The following PRH1 variants were observed in gnomAD, a reference collection of about 807,000 sequenced individuals.
PRH1 encodes the protein salivary acidic proline-rich phosphoprotein 1/2.
A neutral mutation model predicts 7.9 loss-of-function variants in PRH1; 7 were observed. The ratio of observed to expected loss-of-function variants is 0.89; its 90% CI spans 0.50 to 1.67. The LOEUF is 1.67. Ranked by LOEUF, PRH1 falls within the 40% of genes most tolerant of loss-of-function variation. PRH1 has a pLI of 0.00. For missense variants in PRH1, 109 were observed against 223.6 expected (o/e 0.49, Z 3.27); for synonymous variants, 45 against 80.8 (o/e 0.56, Z 2.38).
rs949846650 is a variant in PRH1, at chr12:11,085,775, A to T, written n.124-38587T>A. Among the ~76,000 whole-genome samples, 13 of 117,662 alleles carry T rather than the reference A, an allele frequency of 1.1e-4. 4 individuals carry two copies. The highest frequency in any genetic ancestry group is 2.4e-4 in the Non-Finnish European group (12 of 49,440). The allele number at this position is 117,662 out of a possible 152,430, so 77.2% of individuals were successfully genotyped here. A position where few individuals can be genotyped will look rare whatever the true frequency, so the allele number is the denominator to read the frequency against. ...TACAAATCAAGTCATATTCTTATTCATCATTTTGAAATTTTTTCCTTGTTT... is the reference window on the plus strand; with the variant it reads ...TACAAATCAAGTCATATTCTTATTCTTCATTTTGAAATTTTTTCCTTGTTT... On this transcript the variant is annotated intron_variant and non_coding_transcript_variant, in intron 1 of 4. Coordinates refer to the PRH1 transcript ENST00000541977.
At chr12:11,169,542 G>A (rs1947747635) in intron 1 of PRH1, among the ~76,000 whole-genome samples, 1 of 152,166 alleles carries the variant, frequency 6.6e-6, no homozygotes, top group African/African-American at 2.4e-5. Flanking sequence ...CAGAAACGGA[G>A]CAAGTAGGGC....
intron 1 of PRH1, among the ~76,000 whole-genome samples, chr12:11,032,620 G>T (rs1942274576): frequency 1.3e-5 from 2 of 152,040 alleles, no homozygotes; most frequent in Non-Finnish European, 2.9e-5. Flanking sequence ...CCCACTCAGG[G>T]TTTTCAGCCC....
chr12:11,035,221 T>C (rs1032505970), intron 1 of PRH1, among the ~76,000 whole-genome samples: 1 of 151,334 alleles, frequency 6.6e-6, no homozygotes, highest in Non-Finnish European at 1.5e-5. Context: ...TTATCACTTT[T>C]GGAAAAATCT....
At chr12:11,162,632 C>T (rs1947449047) in intron 1 of PRH1, among the ~76,000 whole-genome samples, 1 of 152,154 alleles carries the variant, frequency 6.6e-6, no homozygotes, top group Admixed American at 6.5e-5. Context: ...TACTGTGTTG[C>T]TGACCAAAAT....
chr12:11,163,817 C>T (rs1947487997), intron 1 of PRH1, among the ~76,000 whole-genome samples: 1 of 152,020 alleles, frequency 6.6e-6, no homozygotes. Flanking sequence ...ATATACCATC[C>T]CCAAGTTTCT....
chr12:10,882,840 C>T (rs1352843210), intron 2 of PRH1, 142 bp from the exon 3 acceptor site: 7 of 1,457,218 alleles, frequency 4.8e-6, no homozygotes, highest in Middle Eastern at 1.8e-4. Context: ...CCAAGGCTTC[C>T]TAATTAGAAC....
intron 1 of PRH1, among the ~76,000 whole-genome samples, chr12:11,041,346 A>G (rs2136126085): frequency 6.6e-6 from 1 of 152,036 alleles, no homozygotes; most frequent in African/African-American, 2.4e-5. Context: ...ATATTAGACA[A>G]AATAGTTTTC....
intron 2 of PRH1, among the ~76,000 whole-genome samples, chr12:10,940,574 A>G (rs1461060384): frequency 1.3e-5 from 2 of 152,124 alleles, no homozygotes; most frequent in East Asian, 3.9e-4. Context: ...ATCAGCACCA[A>G]ATACCTTCAC....
At chr12:11,127,047 G>A (rs1828432188) in intron 1 of PRH1, among the ~76,000 whole-genome samples, 1 of 152,140 alleles carries the variant, frequency 6.6e-6, no homozygotes, top group Non-Finnish European at 1.5e-5. Flanking sequence ...ATTTCTGACT[G>A]TGCAATAACG....
intron 1 of PRH1, among the ~76,000 whole-genome samples, chr12:11,122,583 C>T (rs946494328): frequency 1.3e-5 from 2 of 152,264 alleles, no homozygotes; most frequent in African/African-American, 4.8e-5. Flanking sequence ...AATAATTAAA[C>T]CTAAAAGAAA....
chr12:10,960,436 C>T (rs1210034107), intron 2 of PRH1, among the ~76,000 whole-genome samples: 1 of 152,248 alleles, frequency 6.6e-6, no homozygotes, highest in African/African-American at 2.4e-5. Flanking sequence ...CTTGCAGATG[C>T]TCTCTAGGAT....
intron 2 of PRH1, among the ~76,000 whole-genome samples, chr12:10,944,542 TC>T (rs1450380440): frequency 6.6e-6 from 1 of 151,970 alleles, no homozygotes; most frequent in African/African-American, 2.4e-5. Flanking sequence ...TTTTTGGGCG[TC>T]CTTTATTTCT....
At chr12:10,891,325 G>A (rs1949570503) in intron 2 of PRH1, 1 of 152,178 alleles carries the variant, frequency 6.6e-6, no homozygotes, top group Non-Finnish European at 1.5e-5. Flanking sequence ...AACTTTGGGA[G>A]ATCTTTAATC....
chr12:11,064,454 A>T (rs937283926), intron 1 of PRH1, among the ~76,000 whole-genome samples: 1 of 152,180 alleles, frequency 6.6e-6, no homozygotes. Context: ...AACAGTTACG[A>T]ATAATTCTAC....
chr12:10,997,771 C>A lies in PRH1; in HGVS notation c.-125-24050G>T. ...CTGAGGAGATCTTTTGTCTCTTGAC[C>A]CAGGCAATGAAATTTATCAGTGCTA... is the stretch of plus-strand genomic sequence containing the variant. On this transcript the variant is annotated intron_variant, in intron 1 of 3. Transcript: ENST00000539853. 1 of 1,613,634 alleles carries A rather than the reference C, an allele frequency of 6.2e-7. No homozygotes were observed. The highest frequency in any genetic ancestry group is 2.2e-5 in the East Asian group (1 of 44,854).
At chr12:11,152,129 C>T (rs550646311) in intron 1 of PRH1, among the ~76,000 whole-genome samples, 41 of 151,040 alleles carry the variant, frequency 2.7e-4, no homozygotes, top group Non-Finnish European at 5.5e-4. Context: ...ATGTGCACAA[C>T]GTACAGGTTT....
At chr12:10,885,303 A>G (rs1401438005), upstream of PRH1, among the ~76,000 whole-genome samples, 5 of 152,184 alleles carry the variant, frequency 3.3e-5, no homozygotes, top group African/African-American at 1.2e-4. Context: ...TAATATTCCA[A>G]TACTCATTCT....
rs7314608 is a variant in PRH1 at position 10,973,829 on chromosome 12, T to G, written c.-125-108A>C. Reference sequence around the variant, plus strand: ...AAATCCAGCACAAGGAGAGTCTTTATAGGTGAAGAGTCAACTTATATATTT... The same window carrying G: ...AAATCCAGCACAAGGAGAGTCTTTAGAGGTGAAGAGTCAACTTATATATTT... On this transcript the variant is annotated intron_variant, in intron 1 of 3. Coordinates refer to the PRH1 transcript ENST00000539853. 0.23 allele frequency: 141,204 copies of G among 611,298 alleles called. 16,325 individuals are homozygous for G. Among genetic ancestry groups the G allele is most frequent in the Non-Finnish European group, 0.24 (80,453 of 337,694 alleles). 37.9% of individuals were successfully genotyped at this position (611,298 alleles called of 1,614,324 possible). A position where few individuals can be genotyped will look rare whatever the true frequency, so the allele number is the denominator to read the frequency against.
intron 2 of PRH1, among the ~76,000 whole-genome samples, chr12:10,945,747 T>C (rs1468792722): frequency 6.6e-6 from 1 of 152,168 alleles, no homozygotes; most frequent in African/African-American, 2.4e-5. Flanking sequence ...CTGGGAGTGC[T>C]ACGGGAGACC....
Sources: gnomAD v4.1 joint callset for allele counts (sites outside exome capture counted in the v4.1 genomes callset) on GRCh38, gnomAD v4.1.1 for gene constraint, MANE v1.5 for transcripts, NCBI Gene and HGNC (gene_info 2026-07-23, HGNC 2026-07-21) for gene names.